ARFGEF1: variants seen among roughly 807,000 people sequenced by gnomAD.
The protein encoded by ARFGEF1 is brefeldin A-inhibited guanine nucleotide-exchange protein 1.
In ARFGEF1, 42 loss-of-function variants were observed where a neutral mutation model predicts 231.0. The ratio of observed to expected loss-of-function variants is 0.18; its 90% CI spans 0.14 to 0.24. The LOEUF (loss-of-function observed/expected upper bound fraction) is 0.24, where lower values mean the gene tolerates loss of function less well. Among genes scored for constraint, ARFGEF1 ranks in the 10% least tolerant of loss-of-function variants. The probability of loss-of-function intolerance (pLI) is 1.00; values close to 1 mark genes in which losing one functional copy is unlikely to be tolerated. For missense variants in ARFGEF1, 1,345 were observed against 2,192.0 expected (o/e 0.61, Z 7.72); for synonymous variants, 710 against 732.3 (o/e 0.97, Z 0.49).
At chr8:67,183,841 GA>G (rs1237809602) in intron 5 of ARFGEF1, among the ~76,000 whole-genome samples, 1 of 143,460 alleles carries the variant, frequency 7.0e-6, no homozygotes, top group Non-Finnish European at 1.5e-5. Context: ...AAAAAATTGG[GA>G]ATTTTTTTTT....
chr8:67,335,580 T>C (rs1169258959), intron 1 of ARFGEF1, among the ~76,000 whole-genome samples: 1 of 152,178 alleles, frequency 6.6e-6, no homozygotes, highest in East Asian at 1.9e-4. Context: ...ATATGTACTT[T>C]GACTGCTTAT....
downstream of ARFGEF1, among the ~76,000 whole-genome samples, chr8:67,194,166 G>A (rs968297257): frequency 1.3e-5 from 2 of 152,176 alleles, no homozygotes; most frequent in Admixed American, 6.5e-5. Context: ...TACCCTGCCA[G>A]CCCTACACCA....
intron 1 of ARFGEF1, among the ~76,000 whole-genome samples, chr8:67,341,241 A>G (rs1808612450): frequency 1.3e-5 from 2 of 152,150 alleles, no homozygotes. Flanking sequence ...CTTCAGTTTG[A>G]TACTTACAAT....
chr8:67,323,127 C>T (rs1807671381), intron 1 of ARFGEF1, among the ~76,000 whole-genome samples: 1 of 151,936 alleles, frequency 6.6e-6, no homozygotes, highest in South Asian at 2.1e-4. Flanking sequence ...TGGCAGAAGC[C>T]TGTAATCCCA....
At chr8:67,295,878 G>A (rs1806210910) in intron 5 of ARFGEF1, among the ~76,000 whole-genome samples, 1 of 152,104 alleles carries the variant, frequency 6.6e-6, no homozygotes, top group Non-Finnish European at 1.5e-5. Context: ...TTTTCTCTAC[G>A]TTTAAAAAGA....
intron 8 of ARFGEF1, 64 bp downstream of exon 8, chr8:67,277,218 G>T: frequency 6.6e-7 from 1 of 1,507,062 alleles, no homozygotes; most frequent in Non-Finnish European, 9.1e-7. Context: ...TGACAAGGTG[G>T]TGGTAGCCTA....
chr8:67,321,677 G>T (rs925770336), intron 1 of ARFGEF1, among the ~76,000 whole-genome samples: 1 of 151,318 alleles, frequency 6.6e-6, no homozygotes, highest in African/African-American at 2.4e-5. Context: ...AGCCAAGATG[G>T]TCTCGATCTC....
At chr8:67,340,003 G>A (rs376698822) in intron 1 of ARFGEF1, among the ~76,000 whole-genome samples, 12 of 151,328 alleles carry the variant, frequency 7.9e-5, no homozygotes, top group East Asian at 7.8e-4. Context: ...TGTTTCATAA[G>A]TTATACTTTT....
At chr8:67,342,818 ATCT>A (rs1382060173) in intron 1 of ARFGEF1, among the ~76,000 whole-genome samples, 1 of 152,088 alleles carries the variant, frequency 6.6e-6, no homozygotes, top group Non-Finnish European at 1.5e-5. Context: ...ACAACAGCTC[ATCT>A]TCTGCTTCAT....
chr8:67,195,390 A>C (rs766814639), downstream of ARFGEF1: 3 of 1,613,198 alleles, frequency 1.9e-6, no homozygotes, highest in Admixed American at 3.3e-5. Flanking sequence ...AGATGATGAG[A>C]GTTCACTGGT....
chr8:67,208,653 CA>C (rs1190597509), intron 34 of ARFGEF1, among the ~76,000 whole-genome samples: 1 of 131,392 alleles, frequency 7.6e-6, no homozygotes, highest in Non-Finnish European at 1.6e-5. Context: ...AAAAAACCAA[CA>C]AAAAAAACAC....
At chr8:67,241,367 C>A (rs1476695130) in intron 19 of ARFGEF1, among the ~76,000 whole-genome samples, 2 of 152,060 alleles carry the variant, frequency 1.3e-5, no homozygotes, top group African/African-American at 4.8e-5. Context: ...CTACAAAGTA[C>A]CATATGACAG....
chr8:67,245,814 C>CA (rs1405179240), intron 19 of ARFGEF1, among the ~76,000 whole-genome samples: 2 of 150,110 alleles, frequency 1.3e-5, no homozygotes, highest in African/African-American at 2.5e-5. Flanking sequence ...GCTGAATGAA[C>CA]AAAAACACAA....
chr8:67,203,410 G>T (rs1304864642), intron 35 of ARFGEF1, among the ~76,000 whole-genome samples, 159 bp from the exon 36 acceptor site: 2 of 152,076 alleles, frequency 1.3e-5, no homozygotes, highest in African/African-American at 4.8e-5. Flanking sequence ...CTTCCAGTAC[G>T]CATCCTCGTC....
intron 5 of ARFGEF1, among the ~76,000 whole-genome samples, chr8:67,175,949 C>T (rs1283805605): frequency 2.0e-5 from 3 of 152,170 alleles, no homozygotes; most frequent in Non-Finnish European, 4.4e-5. Context: ...AGGTACTGGC[C>T]TATATCCAGG....
chr8:67,268,484 A>G (rs989117619), intron 10 of ARFGEF1, among the ~76,000 whole-genome samples: 9 of 152,234 alleles, frequency 5.9e-5, no homozygotes, highest in African/African-American at 2.2e-4. Context: ...AGGGAGATAC[A>G]TCTGTTGGAT....
chr8:67,343,586 C>G lies in ARFGEF1; in HGVS notation c.-299G>C. 1 of 1,084,530 alleles carries G rather than the reference C, an allele frequency of 9.2e-7. No homozygotes were observed. The highest frequency in any genetic ancestry group is 1.1e-6 in the Non-Finnish European group (1 of 893,812). The allele number at this position is 1,084,530 out of a possible 1,614,324, so 67.2% of individuals were successfully genotyped here. On this transcript the variant is annotated 5_prime_UTR_variant, in exon 1 of 39. Transcript: ENST00000262215. ...TCCCGGCCGCCCCTCTCACTCGTCC[C>G]TCCGGCCCTGGTGGCGGTGAGGGAG... is the stretch of plus-strand genomic sequence containing the variant.
At chr8:67,205,805 C>A (rs928843298) in intron 34 of ARFGEF1, among the ~76,000 whole-genome samples, 4 of 151,704 alleles carry the variant, frequency 2.6e-5, no homozygotes, top group Non-Finnish European at 4.4e-5. Flanking sequence ...TTACAGTGAA[C>A]CAAGATCACA....
intron 22 of ARFGEF1, among the ~76,000 whole-genome samples, chr8:67,234,138 C>A (rs1012467620): frequency 9.9e-5 from 15 of 152,044 alleles, no homozygotes; most frequent in African/African-American, 3.6e-4. Flanking sequence ...CAATAAATGC[C>A]CTTCTGAATG....
Sources: gnomAD v4.1 joint callset for allele counts (sites outside exome capture counted in the v4.1 genomes callset) on GRCh38, gnomAD v4.1.1 for gene constraint, MANE v1.5 for transcripts, NCBI Gene and HGNC (gene_info 2026-07-23, HGNC 2026-07-21) for gene names.